The following MANBA variants were observed in gnomAD, a reference collection of about 807,000 sequenced individuals.
MANBA encodes the protein mannosidase beta.
MANBA carries 83 observed loss-of-function variants against 111.1 expected under a neutral mutation model. The ratio of observed to expected loss-of-function variants is 0.75; its 90% CI spans 0.63 to 0.90. MANBA has a LOEUF of 0.90. Ranked by LOEUF, MANBA falls within the 40% of genes least tolerant of loss-of-function variation. MANBA has a pLI of 0.00. For missense variants in MANBA, 1,036 were observed against 1,069.0 expected (o/e 0.97, Z 0.43); for synonymous variants, 370 against 378.7 (o/e 0.98, Z 0.27).
intron 14 of MANBA, 133 bp downstream of exon 14, chr4:102,639,580 C>A (rs1729775620): frequency 8.0e-7 from 1 of 1,245,840 alleles, no homozygotes. Flanking sequence ...CCTAGGCAGG[C>A]TTTTTAAAGA....
At chr4:102,671,479 T>C (rs1291337543) in intron 8 of MANBA, 81 bp from the exon 9 acceptor site, 7 of 821,362 alleles carry the variant, frequency 8.5e-6, no homozygotes, top group Non-Finnish European at 1.4e-5. Flanking sequence ...TCTAATCTGT[T>C]AGAAAAACAC....
At chr4:102,741,580 A>G (rs1435809309) in intron 1 of MANBA, among the ~76,000 whole-genome samples, 2 of 152,236 alleles carry the variant, frequency 1.3e-5, no homozygotes, top group African/African-American at 4.8e-5. Context: ...AATGTGGTAT[A>G]TGTTATACAT....
chr4:102,730,018 C>T (rs568468288), intron 1 of MANBA: 60 of 818,378 alleles, frequency 7.3e-5, no homozygotes, highest in African/African-American at 2.5e-4. Context: ...CCATAGCCTC[C>T]GCCCAGACAA....
intron 14 of MANBA, among the ~76,000 whole-genome samples, chr4:102,637,748 G>T (rs531234514): frequency 6.6e-6 from 1 of 152,218 alleles, no homozygotes; most frequent in African/African-American, 2.4e-5. Flanking sequence ...CTCTTCATAC[G>T]GCTGTTTATT....
chr4:102,726,510 A>C, intron 2 of MANBA, 79 bp downstream of exon 2: 2 of 822,662 alleles, frequency 2.4e-6, no homozygotes, highest in Non-Finnish European at 4.1e-6. Flanking sequence ...AAAAACAAAC[A>C]AAACACAACA....
intron 1 of MANBA, among the ~76,000 whole-genome samples, chr4:102,738,347 C>T (rs1453272816): frequency 1.3e-5 from 2 of 152,236 alleles, no homozygotes; most frequent in Non-Finnish European, 2.9e-5. Context: ...AGGACTCCCA[C>T]TTTACTCCCC....
chr4:102,729,848 C>T, intron 1 of MANBA: 5 of 1,413,442 alleles, frequency 3.5e-6, no homozygotes, highest in Admixed American at 1.7e-5. Flanking sequence ...GGAACCATAC[C>T]TTGTCTATGA....
chr4:102,649,004 T>C (rs1363202474), intron 13 of MANBA, among the ~76,000 whole-genome samples: 1 of 152,162 alleles, frequency 6.6e-6, no homozygotes, highest in Non-Finnish European at 1.5e-5. Context: ...AGTACAGTTA[T>C]GTATCCTTTT....
chr4:102,650,058 T>C (rs1316959876), intron 13 of MANBA, among the ~76,000 whole-genome samples: 1 of 152,156 alleles, frequency 6.6e-6, no homozygotes, highest in Non-Finnish European at 1.5e-5. Context: ...TCAAATTAAC[T>C]TGTATATGGA....
chr4:102,664,352 C>CTTT (rs35167854), intron 11 of MANBA, among the ~76,000 whole-genome samples: 1 of 146,084 alleles, frequency 6.8e-6, no homozygotes, highest in Non-Finnish European at 1.5e-5. Flanking sequence ...AACATACATT[C>CTTT]TTTTTTTTTT....
At chr4:102,645,395 C>A (rs963465521) in intron 13 of MANBA, among the ~76,000 whole-genome samples, 12 of 151,968 alleles carry the variant, frequency 7.9e-5, no homozygotes, top group Admixed American at 6.6e-4. Flanking sequence ...TAAGTGTTTC[C>A]TCCTCTTATT....
At chr4:102,634,222 A>G (rs919601470) in intron 16 of MANBA, among the ~76,000 whole-genome samples, 1 of 152,208 alleles carries the variant, frequency 6.6e-6, no homozygotes, top group Non-Finnish European at 1.5e-5. Flanking sequence ...TCCCATTTTT[A>G]TATCTTGGCA....
chr4:102,650,743 A>G (rs1165283396), intron 12 of MANBA, 42 bp from the exon 13 acceptor site: 1 of 1,527,608 alleles, frequency 6.5e-7, no homozygotes, highest in Non-Finnish European at 9.1e-7. Context: ...GAAAGTTGGC[A>G]GTAAAACTAC....
chr4:102,738,672 C>A (rs147894338), intron 1 of MANBA, among the ~76,000 whole-genome samples: 25 of 152,290 alleles, frequency 1.6e-4, no homozygotes, highest in Admixed American at 1.2e-3. Context: ...TAAAGTAATT[C>A]TGGTAATATG....
At chr4:102,685,531 C>A (rs1479327326) in intron 7 of MANBA, among the ~76,000 whole-genome samples, 1 of 150,840 alleles carries the variant, frequency 6.6e-6, no homozygotes, top group East Asian at 1.9e-4. Context: ...CAGAGCCCCC[C>A]ATCCCAAAGT....
intron 5 of MANBA, among the ~76,000 whole-genome samples, chr4:102,691,986 G>T (rs939196938): frequency 6.6e-6 from 1 of 152,100 alleles, no homozygotes; most frequent in Non-Finnish European, 1.5e-5. Context: ...TTGATGAGGG[G>T]GTCAGCATAA....
At chr4:102,729,516 G>A (rs570470057) in intron 1 of MANBA, 29 of 925,522 alleles carry the variant, frequency 3.1e-5, no homozygotes, top group East Asian at 1.9e-4. Flanking sequence ...AATTGATCTC[G>A]TCAGTCAGCC....
At chr4:102,746,867 G>C (rs1723605321) in intron 1 of MANBA, among the ~76,000 whole-genome samples, 1 of 151,896 alleles carries the variant, frequency 6.6e-6, no homozygotes, top group African/African-American at 2.4e-5. Flanking sequence ...AGATACTTGG[G>C]AGGCTGAGGT....
At chr4:102,716,603 T>G (rs1416663226) in intron 4 of MANBA, among the ~76,000 whole-genome samples, 1 of 152,180 alleles carries the variant, frequency 6.6e-6, no homozygotes, top group Admixed American at 6.5e-5. Flanking sequence ...AAGAAATAAT[T>G]CTGTAAAATA....
Sources: gnomAD v4.1 joint callset for allele counts (sites outside exome capture counted in the v4.1 genomes callset) on GRCh38, gnomAD v4.1.1 for gene constraint, MANE v1.5 for transcripts, NCBI Gene and HGNC (gene_info 2026-07-23, HGNC 2026-07-21) for gene names.